ROBO2: variants seen among roughly 807,000 people sequenced by gnomAD.
ROBO2 encodes the protein roundabout guidance receptor 2.
Under a neutral mutation model 160.8 loss-of-function variants are expected in ROBO2, and 53 were observed. The ratio of observed to expected loss-of-function variants is 0.33; its 90% confidence interval spans 0.26 to 0.41. ROBO2 has a LOEUF of 0.41. ROBO2 is among the 10% of genes least tolerant of loss of function. The pLI, the probability that ROBO2 is intolerant of heterozygous loss-of-function variation, is 1.00. For synonymous variants in ROBO2, 664 were observed against 611.7 expected (o/e 1.09, Z -1.26); for missense variants, 1,577 against 1,722.4 (o/e 0.92, Z 1.49).
At chr3:76,694,435 G>A (rs1230057697) in intron 2 of ROBO2, among the ~76,000 whole-genome samples, 3 of 152,000 alleles carry the variant, frequency 2.0e-5, no homozygotes, top group African/African-American at 7.2e-5. Flanking sequence ...GCCCAAATAA[G>A]CCAAAAGAGG....
At chr3:76,940,217 C>T (rs933261264) in intron 2 of ROBO2, among the ~76,000 whole-genome samples, 5 of 152,170 alleles carry the variant, frequency 3.3e-5, no homozygotes, top group Non-Finnish European at 5.9e-5. Context: ...CTCTTGACCT[C>T]GTGATCCGCC....
At chr3:77,047,806 G>A (rs1460950146) in intron 1 of ROBO2, among the ~76,000 whole-genome samples, 2 of 151,510 alleles carry the variant, frequency 1.3e-5, no homozygotes, top group Non-Finnish European at 2.9e-5. Context: ...CACTTTGGGA[G>A]GCTGAGGCAG....
At chr3:76,694,686 A>C (rs367584042) in intron 2 of ROBO2, among the ~76,000 whole-genome samples, 1 of 152,198 alleles carries the variant, frequency 6.6e-6, no homozygotes, top group East Asian at 1.9e-4. Flanking sequence ...CTCAGTAAAC[A>C]TAAACTTCTA....
intron 2 of ROBO2, among the ~76,000 whole-genome samples, chr3:76,003,402 A>G (rs2065941536): frequency 6.6e-6 from 1 of 152,218 alleles, no homozygotes; most frequent in Non-Finnish European, 1.5e-5. Context: ...CATTTTAATA[A>G]AAATTGCTTT....
intron 2 of ROBO2, among the ~76,000 whole-genome samples, chr3:77,295,783 TGTTTAAATG>T (rs2062016560): frequency 2.9e-5 from 4 of 140,024 alleles, no homozygotes; most frequent in African/African-American, 1.1e-4. Flanking sequence ...GTAAAATTGA[TGTTTAAATG>T]GGTAAGCTGA....
intron 2 of ROBO2, among the ~76,000 whole-genome samples, chr3:76,537,615 G>T (rs948192861): frequency 6.6e-6 from 1 of 152,132 alleles, no homozygotes; most frequent in Non-Finnish European, 1.5e-5. Flanking sequence ...CTCATGGAGA[G>T]AGGGTGAGGA....
chr3:76,402,268 C>T (rs2077872750), intron 2 of ROBO2, among the ~76,000 whole-genome samples: 1 of 151,412 alleles, frequency 6.6e-6, no homozygotes, highest in African/African-American at 2.4e-5. Flanking sequence ...AATCTTATGT[C>T]CCCAGTGGTA....
At chr3:76,670,168 G>T (rs2092210515) in intron 2 of ROBO2, among the ~76,000 whole-genome samples, 1 of 152,012 alleles carries the variant, frequency 6.6e-6, no homozygotes, top group Non-Finnish European at 1.5e-5. Context: ...CTTAGGAAAT[G>T]GTTATAAATT....
intron 2 of ROBO2, among the ~76,000 whole-genome samples, chr3:76,543,145 T>C (rs1392602382): frequency 6.6e-6 from 1 of 152,212 alleles, no homozygotes; most frequent in Non-Finnish European, 1.5e-5. Flanking sequence ...ATTCTAAATT[T>C]TCTTAGTAGT....
At chr3:77,395,623 C>T (rs2075199761) in intron 2 of ROBO2, among the ~76,000 whole-genome samples, 1 of 152,072 alleles carries the variant, frequency 6.6e-6, no homozygotes, top group South Asian at 2.1e-4. Flanking sequence ...TTTTTCTAGA[C>T]TCTTCATATA....
chr3:77,089,580 C>A (rs2069842212), intron 1 of ROBO2, among the ~76,000 whole-genome samples: 1 of 152,080 alleles, frequency 6.6e-6, no homozygotes, highest in Admixed American at 6.5e-5. Flanking sequence ...GATTTTGTTT[C>A]AAATTTAGAC....
At chr3:76,183,974 A>C (rs1293589825) in intron 2 of ROBO2, among the ~76,000 whole-genome samples, 2 of 152,186 alleles carry the variant, frequency 1.3e-5, no homozygotes, top group African/African-American at 2.4e-5. Flanking sequence ...TTTAGAAAAT[A>C]CAGTAAAGCA....
chr3:77,004,634 G>T (rs1470107396), intron 2 of ROBO2, among the ~76,000 whole-genome samples: 1 of 152,144 alleles, frequency 6.6e-6, no homozygotes. Context: ...GGACCAAAAC[G>T]ATTATTGAGA....
At chr3:77,180,477 C>T (rs1395235593) in intron 2 of ROBO2, among the ~76,000 whole-genome samples, 3 of 138,880 alleles carry the variant, frequency 2.2e-5, no homozygotes, top group Admixed American at 7.4e-5. Flanking sequence ...ACTGTGTCGC[C>T]CTGGCTAGAG....
At chr3:76,938,100 A>T (rs985492464) in intron 2 of ROBO2, among the ~76,000 whole-genome samples, 1 of 152,202 alleles carries the variant, frequency 6.6e-6, no homozygotes, top group African/African-American at 2.4e-5. Flanking sequence ...ATTTCTTTCT[A>T]TAAGGCTGGT....
chr3:77,217,436 C>T (rs1056652815), intron 2 of ROBO2, among the ~76,000 whole-genome samples: 1 of 152,142 alleles, frequency 6.6e-6, no homozygotes, highest in African/African-American at 2.4e-5. Flanking sequence ...GGCCACCATG[C>T]CTGGCCGATT....
At chr3:76,470,765 G>A (rs1364081974) in intron 2 of ROBO2, among the ~76,000 whole-genome samples, 2 of 151,980 alleles carry the variant, frequency 1.3e-5, no homozygotes, top group Non-Finnish European at 2.9e-5. Context: ...GGTTCTTTTG[G>A]GGGCCATCTT....
chr3:77,635,026 G>A, exon 24 of ROBO2: 1 of 1,613,960 alleles, frequency 6.2e-7, no homozygotes, highest in Non-Finnish European at 8.5e-7. Context: ...CCTCATCGAA[G>A]GGAAGGAATG....
intron 2 of ROBO2, among the ~76,000 whole-genome samples, chr3:76,696,861 T>C (rs2092938526): frequency 6.6e-6 from 1 of 152,322 alleles, no homozygotes; most frequent in South Asian, 2.1e-4. Context: ...TTCTGTTTTA[T>C]GTTTGTCTAC....
Sources: gnomAD v4.1 joint callset for allele counts (sites outside exome capture counted in the v4.1 genomes callset) on GRCh38, gnomAD v4.1.1 for gene constraint, MANE v1.5 for transcripts, NCBI Gene and HGNC (gene_info 2026-07-23, HGNC 2026-07-21) for gene names.